Variants in LRRTM4 observed in about 807,000 individuals in gnomAD.
The protein encoded by LRRTM4 is leucine-rich repeat transmembrane neuronal protein 4.
In LRRTM4, 25 loss-of-function variants were observed where a neutral mutation model predicts 47.6. That is an observed-to-expected ratio of 0.53 (90% CI 0.38 to 0.73). The LOEUF is 0.73. Among genes scored for constraint, LRRTM4 ranks in the 30% least tolerant of loss-of-function variants. The probability of loss-of-function intolerance (pLI) is 0.00; values close to 1 mark genes in which losing one functional copy is unlikely to be tolerated. For missense variants in LRRTM4, 638 were observed against 713.4 expected (o/e 0.89, Z 1.20); for synonymous variants, 311 against 269.5 (o/e 1.15, Z -1.51).
intron 3 of LRRTM4, among the ~76,000 whole-genome samples, chr2:76,831,262 A>G (rs1671343988): frequency 6.6e-6 from 1 of 152,188 alleles, no homozygotes; most frequent in African/African-American, 2.4e-5. Context: ...TAATAAATAC[A>G]TATAGACTTT....
chr2:77,122,977 A>G (rs1671557777), intron 3 of LRRTM4, among the ~76,000 whole-genome samples: 1 of 151,930 alleles, frequency 6.6e-6, no homozygotes, highest in African/African-American at 2.4e-5. Context: ...GAAAATGATG[A>G]GACTCTATAA....
chr2:77,292,470 T>G (rs1208287114), intron 3 of LRRTM4, among the ~76,000 whole-genome samples: 25 of 151,082 alleles, frequency 1.7e-4, no homozygotes, highest in East Asian at 1.2e-3. Flanking sequence ...ATGATAGACT[T>G]GATTAAGAAA....
At chr2:77,078,037 G>A (rs1359797736) in intron 3 of LRRTM4, among the ~76,000 whole-genome samples, 2 of 152,140 alleles carry the variant, frequency 1.3e-5, no homozygotes, top group Non-Finnish European at 2.9e-5. Flanking sequence ...GTGAACTGCA[G>A]ACTTTACTTC....
chr2:77,307,983 A>G (rs1475723583), intron 3 of LRRTM4, among the ~76,000 whole-genome samples: 1 of 114,060 alleles, frequency 8.8e-6, no homozygotes, highest in African/African-American at 3.9e-5. Flanking sequence ...TAGAAATATA[A>G]ATATATAGAT....
At chr2:76,749,346 G>T (rs373452032) in intron 3 of LRRTM4, among the ~76,000 whole-genome samples, 3 of 152,040 alleles carry the variant, frequency 2.0e-5, no homozygotes, top group Non-Finnish European at 4.4e-5. Context: ...AGAATGTATG[G>T]TATGATCTGT....
At chr2:77,141,083 A>G (rs1340610274) in intron 3 of LRRTM4, among the ~76,000 whole-genome samples, 4 of 152,110 alleles carry the variant, frequency 2.6e-5, no homozygotes, top group African/African-American at 9.7e-5. Context: ...AAGGATCTAG[A>G]ACTAGAAATA....
chr2:77,363,060 G>A (rs1672301533), intron 3 of LRRTM4, among the ~76,000 whole-genome samples: 1 of 152,162 alleles, frequency 6.6e-6, no homozygotes, highest in Admixed American at 6.5e-5. Flanking sequence ...TAAATAGCTG[G>A]TCTAAGATCA....
At chr2:77,398,983 T>C (rs1673826052) in intron 3 of LRRTM4, among the ~76,000 whole-genome samples, 1 of 151,756 alleles carries the variant, frequency 6.6e-6, no homozygotes, top group Admixed American at 6.6e-5. Context: ...AAATGCTATA[T>C]AAACTGCATA....
intron 3 of LRRTM4, among the ~76,000 whole-genome samples, chr2:77,151,461 C>T (rs1573012649): frequency 6.6e-6 from 1 of 152,074 alleles, no homozygotes; most frequent in Admixed American, 6.6e-5. Context: ...TCCAAAAATA[C>T]TGGAATCAGG....
chr2:76,988,845 A>G (rs1289064934), intron 3 of LRRTM4, among the ~76,000 whole-genome samples: 1 of 149,548 alleles, frequency 6.7e-6, no homozygotes, highest in Admixed American at 6.7e-5. Flanking sequence ...GAAAACTATT[A>G]ATTCTTTTCT....
At chr2:77,466,747 G>T (rs575116537) in intron 3 of LRRTM4, among the ~76,000 whole-genome samples, 21 of 136,798 alleles carry the variant, frequency 1.5e-4, no homozygotes, top group Non-Finnish European at 3.2e-4. Flanking sequence ...TGCCAAGGCT[G>T]AAATGCAGTG....
At chr2:77,019,400 C>G (rs1255942624) in intron 3 of LRRTM4, among the ~76,000 whole-genome samples, 1 of 151,940 alleles carries the variant, frequency 6.6e-6, no homozygotes, top group East Asian at 1.9e-4. Context: ...CCTCTTCAGT[C>G]AGAATCATGA....
intron 3 of LRRTM4, among the ~76,000 whole-genome samples, chr2:77,315,357 C>A (rs950483594): frequency 6.6e-6 from 1 of 152,016 alleles, no homozygotes; most frequent in Non-Finnish European, 1.5e-5. Context: ...AAAGGTATTG[C>A]TCATTCATAT....
chr2:76,851,679 G>A (rs780841142), intron 3 of LRRTM4, among the ~76,000 whole-genome samples: 112 of 150,508 alleles, frequency 7.4e-4, no homozygotes, highest in Admixed American at 9.3e-4. Context: ...GGGAGTAGAT[G>A]ATCTTCATAT....
chr2:77,489,769 G>A (rs1043800903), intron 3 of LRRTM4, among the ~76,000 whole-genome samples: 4 of 152,142 alleles, frequency 2.6e-5, no homozygotes, highest in Non-Finnish European at 5.9e-5. Context: ...AAACTGGACA[G>A]CAAACTCTTC....
At chr2:76,958,042 A>G (rs1558762054) in intron 3 of LRRTM4, among the ~76,000 whole-genome samples, 1 of 151,742 alleles carries the variant, frequency 6.6e-6, no homozygotes, top group Non-Finnish European at 1.5e-5. Context: ...TTTTTGAGAC[A>G]ATAAGTTAAG....
At chr2:77,001,818 A>G (rs951537993) in intron 3 of LRRTM4, among the ~76,000 whole-genome samples, 3 of 152,160 alleles carry the variant, frequency 2.0e-5, no homozygotes, top group Non-Finnish European at 2.9e-5. Flanking sequence ...ACTGTTGACA[A>G]AAGTCTTATT....
At chr2:77,284,327 T>A (rs778810353) in intron 3 of LRRTM4, among the ~76,000 whole-genome samples, 65 of 152,152 alleles carry the variant, frequency 4.3e-4, no homozygotes, top group Non-Finnish European at 8.2e-4. Flanking sequence ...AGATTTACTG[T>A]TAGATAATAA....
chr2:77,158,805 G>T (rs1672630697), intron 3 of LRRTM4, among the ~76,000 whole-genome samples: 1 of 150,140 alleles, frequency 6.7e-6, no homozygotes. Context: ...TCTATTAAGT[G>T]CAGAACTATA....
Sources: gnomAD v4.1 joint callset for allele counts (sites outside exome capture counted in the v4.1 genomes callset) on GRCh38, gnomAD v4.1.1 for gene constraint, MANE v1.5 for transcripts, NCBI Gene and HGNC (gene_info 2026-07-23, HGNC 2026-07-21) for gene names.